The following ZNF385D variants were observed in gnomAD, a reference collection of about 807,000 sequenced individuals.
ZNF385D encodes the protein zinc finger protein 659.
In ZNF385D, 15 loss-of-function variants were observed where a neutral mutation model predicts 35.8. The ratio of observed to expected loss-of-function variants is 0.42; its 90% CI spans 0.28 to 0.64. The LOEUF is 0.64. Among genes scored for constraint, ZNF385D ranks in the 30% least tolerant of loss-of-function variants. The pLI is 0.23. For missense variants in ZNF385D, 474 were observed against 494.6 expected (o/e 0.96, Z 0.39); for synonymous variants, 212 against 186.8 (o/e 1.13, Z -1.10).
At chr3:21,678,420 T>G (rs1480337224) in intron 1 of ZNF385D, among the ~76,000 whole-genome samples, 1 of 151,994 alleles carries the variant, frequency 6.6e-6, no homozygotes, top group Non-Finnish European at 1.5e-5. Context: ...AATATACAAC[T>G]CCCTCACAGC....
chr3:21,757,573 T>C (rs76203777), intron 3 of ZNF385D, among the ~76,000 whole-genome samples: 8,479 of 152,266 alleles, frequency 0.056, 328 homozygotes, highest in Middle Eastern at 0.11. Flanking sequence ...GCAATGTTTA[T>C]TGACTCAAAA....
At chr3:22,097,429 G>A (rs1031668152) in intron 3 of ZNF385D, among the ~76,000 whole-genome samples, 4 of 151,962 alleles carry the variant, frequency 2.6e-5, no homozygotes, top group Non-Finnish European at 4.4e-5. Context: ...TATTGGCTAG[G>A]TCATAAATAA....
rs147620968 is a variant in ZNF385D, at chr3:22,355,300, G to A, written c.106+17150C>T. ...GTTGATTCGTTAGATCAAATAACAT[G>A]CATAGTTTTTAATCTCTGGATATGT... On this transcript the variant is annotated intron_variant, in intron 2 of 5. Coordinates refer to the ZNF385D transcript ENST00000494108. Among the ~76,000 whole-genome samples, 1,287 of 152,028 alleles carry A rather than the reference G, an allele frequency of 8.5e-3. 18 individuals carry two copies. The highest frequency in any genetic ancestry group is 0.03 in the African/African-American group (1,239 of 41,506).
chr3:21,687,737 A>C (rs80164118), intron 1 of ZNF385D, among the ~76,000 whole-genome samples: 3,547 of 152,294 alleles, frequency 0.023, 144 homozygotes, highest in African/African-American at 0.082. Context: ...TGACTAAGGC[A>C]AAAGGTGGAT....
At chr3:22,116,323 G>A (rs975623577) in intron 3 of ZNF385D, among the ~76,000 whole-genome samples, 4 of 151,892 alleles carry the variant, frequency 2.6e-5, no homozygotes, top group African/African-American at 9.7e-5. Context: ...GAAACCCATG[G>A]AGTAACACAT....
chr3:22,287,895 A>C (rs1602575), intron 2 of ZNF385D, among the ~76,000 whole-genome samples: 80,735 of 151,788 alleles, frequency 0.53, 22,863 homozygotes, highest in African/African-American at 0.74. Context: ...CATCCTTTTC[A>C]TTCAGCTTGT....
At chr3:21,987,258 T>C (rs1694860891) in intron 3 of ZNF385D, among the ~76,000 whole-genome samples, 1 of 141,564 alleles carries the variant, frequency 7.1e-6, no homozygotes, top group South Asian at 2.4e-4. Flanking sequence ...AGTTTCTTCC[T>C]AGTCTCGATG....
intron 3 of ZNF385D, among the ~76,000 whole-genome samples, chr3:21,778,411 C>T (rs745350094): frequency 8.6e-5 from 13 of 151,890 alleles, no homozygotes; most frequent in East Asian, 3.9e-4. Flanking sequence ...AAAGGTGGCA[C>T]GGCTGAGTTC....
intron 2 of ZNF385D, among the ~76,000 whole-genome samples, chr3:22,234,961 A>G (rs1169041240): frequency 6.6e-6 from 1 of 152,062 alleles, no homozygotes; most frequent in Non-Finnish European, 1.5e-5. Context: ...TTTTTATAGT[A>G]CCAAATAAGA....
At chr3:21,987,574 C>G (rs1014657326) in intron 3 of ZNF385D, among the ~76,000 whole-genome samples, 2 of 127,510 alleles carry the variant, frequency 1.6e-5, no homozygotes, top group South Asian at 2.7e-4. Flanking sequence ...GAGGGTAACC[C>G]GACCTTTCTC....
intron 2 of ZNF385D, among the ~76,000 whole-genome samples, chr3:22,179,169 T>C (rs1306628984): frequency 1.3e-5 from 2 of 152,290 alleles, no homozygotes; most frequent in African/African-American, 2.4e-5. Flanking sequence ...TATAAATTAC[T>C]TTGGGCAGTA....
intron 3 of ZNF385D, among the ~76,000 whole-genome samples, chr3:21,944,159 A>G (rs1223024642): frequency 6.6e-6 from 1 of 152,218 alleles, no homozygotes; most frequent in Non-Finnish European, 1.5e-5. Flanking sequence ...CTACAGTCTT[A>G]CACATTAACT....
intron 3 of ZNF385D, among the ~76,000 whole-genome samples, chr3:21,890,790 A>G (rs1698814136): frequency 6.6e-6 from 1 of 152,216 alleles, no homozygotes; most frequent in Non-Finnish European, 1.5e-5. Flanking sequence ...AGGGGTAATA[A>G]AGAGTCAAAA....
intron 2 of ZNF385D, among the ~76,000 whole-genome samples, chr3:21,591,392 A>C (rs935450318): frequency 6.6e-6 from 1 of 152,042 alleles, no homozygotes; most frequent in South Asian, 2.1e-4. Flanking sequence ...AGGAGGGGGG[A>C]ACATCAGTGA....
chr3:21,885,602 A>G (rs991207918), intron 3 of ZNF385D, among the ~76,000 whole-genome samples: 2 of 151,994 alleles, frequency 1.3e-5, no homozygotes, highest in African/African-American at 4.8e-5. Context: ...GTTATAAGAC[A>G]TTTGCAATGA....
At chr3:21,722,771 A>G (rs968139) in intron 1 of ZNF385D, among the ~76,000 whole-genome samples, 105,280 of 152,090 alleles carry the variant, frequency 0.69, 36,546 homozygotes, top group East Asian at 0.76. Flanking sequence ...TGCTGGCACC[A>G]AACAAAGGTC....
chr3:22,110,531 C>CA (rs1489137959), intron 3 of ZNF385D, among the ~76,000 whole-genome samples: 1 of 151,832 alleles, frequency 6.6e-6, no homozygotes, highest in Non-Finnish European at 1.5e-5. Context: ...AGCAAACTAT[C>CA]ACAAGGACAA....
chr3:21,728,486 A>G (rs915434239), intron 1 of ZNF385D, among the ~76,000 whole-genome samples: 1 of 152,268 alleles, frequency 6.6e-6, no homozygotes, highest in East Asian at 1.9e-4. Context: ...ATTCAATTAA[A>G]AAACTTCTTT....
chr3:21,455,001 T>G (rs1702703387), intron 4 of ZNF385D, among the ~76,000 whole-genome samples: 1 of 152,046 alleles, frequency 6.6e-6, no homozygotes, highest in African/African-American at 2.4e-5. Flanking sequence ...TCAAAGAGAA[T>G]AAAATACCCA....
Sources: allele counts gnomAD v4.1 joint callset (sites outside exome capture counted in the v4.1 genomes callset), GRCh38; gene constraint gnomAD v4.1.1; transcripts MANE v1.5; gene names NCBI Gene and HGNC (gene_info 2026-07-23, HGNC 2026-07-21).